PCDHA2: variants seen among roughly 807,000 people sequenced by gnomAD.
PCDHA2 encodes protocadherin alpha 2, also known as protocadherin alpha-2.
Under a neutral mutation model 66.0 loss-of-function variants are expected in PCDHA2, and 58 were observed. The observed-to-expected ratio is 0.88, with a 90% CI of 0.71 to 1.09. PCDHA2 has a LOEUF of 1.09. Ranked by LOEUF, PCDHA2 falls within the 50% of genes least tolerant of loss-of-function variation. The probability of loss-of-function intolerance (pLI) is 0.00; values close to 1 mark genes in which losing one functional copy is unlikely to be tolerated. For missense variants in PCDHA2, 1,267 were observed against 1,242.3 expected (o/e 1.02, Z -0.30); for synonymous variants, 634 against 554.0 (o/e 1.14, Z -2.03).
At chr5:140,801,282 G>T (rs782159759) in intron 1 of PCDHA2, 6 of 1,613,380 alleles carry the variant, frequency 3.7e-6, no homozygotes, top group African/African-American at 1.3e-5. Context: ...GGTGGGGAGC[G>T]GCCAGCTCCA....
intron 1 of PCDHA2, among the ~76,000 whole-genome samples, chr5:140,939,663 C>T (rs1282923741): frequency 6.6e-6 from 1 of 152,116 alleles, no homozygotes; most frequent in Non-Finnish European, 1.5e-5. Context: ...ACAGGAATAA[C>T]CAACTTGTAT....
In PCDHA2 at chr5:140,982,550, C is replaced by T. The variant is rs1554244485; in HGVS notation, c.2523C>T (p.Ser841=). ...CTGATCAGCAGTGGCCAACAGTATC[C>T]AGTGCAACACCAGGTAAAGAGCTGG... The part of the protein sequence containing the change: ...GGPDQQWPTV[S]SATPEPEAGE... The change falls in exon 3 of 4, where the codon TCC becomes TCT. Residue 841 remains serine, a synonymous_variant. Transcript: ENST00000526136. The T allele has an allele frequency of 6.2e-7, 1 of 1,614,176 alleles. No homozygotes were observed. The highest frequency in any genetic ancestry group is 1.7e-5 in the Admixed American group (1 of 60,028).
chr5:140,850,783 G>T, intron 1 of PCDHA2: 1 of 1,598,172 alleles, frequency 6.3e-7, no homozygotes, highest in Non-Finnish European at 8.6e-7. Context: ...TCTGGCGAGG[G>T]TAAGCAGAAG....
At chr5:140,816,237 T>A (rs1181051866) in intron 1 of PCDHA2, 1 of 152,238 alleles carries the variant, frequency 6.6e-6, no homozygotes. Flanking sequence ...TAATTTCAAA[T>A]GATGTGTCCT....
At chr5:140,914,097 A>G (rs191641220) in intron 1 of PCDHA2, among the ~76,000 whole-genome samples, 38 of 152,298 alleles carry the variant, frequency 2.5e-4, no homozygotes, top group Admixed American at 9.2e-4. Flanking sequence ...AATTTGTTCT[A>G]TAGTGCAGAT....
rs782681619 is a variant in PCDHA2, at chr5:141,009,600, A to G, written c.2537-27A>G. On this transcript the variant is annotated intron_variant, in intron 3 of 3. Coordinates refer to ENST00000526136, the MANE Select transcript of PCDHA2 (RefSeq NM_018905.3). ...ATCAAGAGCATGTGTTGACCCTGTT[A>G]ATGATTTGTAATGTTTTGTCTTTCA... The G allele has an allele frequency of 1.9e-6, 3 of 1,607,002 alleles. No individual in the cohort carries two copies. In the Admixed American group the frequency reaches 5.0e-5, roughly 27 times the overall value.
intron 1 of PCDHA2, chr5:140,929,567 A>G (rs566554100): frequency 7.2e-5 from 33 of 456,594 alleles, no homozygotes; most frequent in Admixed American, 1.2e-4. Flanking sequence ...ATTTAAGAAC[A>G]ATAAAAGTAA....
At chr5:140,871,774 T>C (rs1164981873) in intron 1 of PCDHA2, among the ~76,000 whole-genome samples, 1 of 152,254 alleles carries the variant, frequency 6.6e-6, no homozygotes, top group African/African-American at 2.4e-5. Context: ...GACTCTTCTG[T>C]AGTCACTTGA....
chr5:140,974,116 G>T (rs2096616118), intron 1 of PCDHA2, among the ~76,000 whole-genome samples: 1 of 152,192 alleles, frequency 6.6e-6, no homozygotes. Context: ...TTCTTTTGCA[G>T]TGTTTTAAAT....
At chr5:140,836,198 G>A in intron 1 of PCDHA2, 2 of 1,613,862 alleles carry the variant, frequency 1.2e-6, no homozygotes, top group Non-Finnish European at 1.7e-6. Context: ...GCTACAACGC[G>A]TGGCTTTCGT....
At chr5:140,838,112 G>C (rs950197929) in intron 1 of PCDHA2, among the ~76,000 whole-genome samples, 3 of 149,312 alleles carry the variant, frequency 2.0e-5, no homozygotes, top group Non-Finnish European at 4.5e-5. Context: ...GTGTGTGTGT[G>C]TGTGTGTGTG....
At chr5:140,879,137 G>A (rs1313863348) in intron 1 of PCDHA2, among the ~76,000 whole-genome samples, 2 of 152,210 alleles carry the variant, frequency 1.3e-5, no homozygotes, top group Non-Finnish European at 2.9e-5. Context: ...GGGAGATTGT[G>A]AAGGCAGGAA....
In PCDHA2 at chr5:140,801,127, A is replaced by C. The variant is rs1285263888; in HGVS notation, c.2388+3775A>C. ...ACACCGAGGAGTTTAAGAAATGAAG[A>C]TAAGGAACTCGAATTATTTTTAAAC... On this transcript the variant is annotated intron_variant, in intron 1 of 3. Coordinates refer to ENST00000526136, the MANE Select transcript of PCDHA2 (RefSeq NM_018905.3). 2.6e-6 allele frequency: 4 copies of C among 1,520,548 alleles called. No individual in the cohort carries two copies. In the East Asian group the frequency reaches 9.1e-5, roughly 34 times the overall value. The allele number at this position is 1,520,548 out of a possible 1,614,324, so 94.2% of individuals were successfully genotyped here.
chr5:140,873,262 G>A (rs1196053156), intron 1 of PCDHA2, among the ~76,000 whole-genome samples: 2 of 152,136 alleles, frequency 1.3e-5, no homozygotes, highest in Non-Finnish European at 2.9e-5. Context: ...ACTCAAAAGT[G>A]ATTAAACCAT....
chr5:140,873,893 T>G (rs1308011914), intron 1 of PCDHA2, among the ~76,000 whole-genome samples: 2 of 152,166 alleles, frequency 1.3e-5, no homozygotes, highest in Non-Finnish European at 2.9e-5. Context: ...ACTCCTGACC[T>G]CAGGTGATCT....
intron 1 of PCDHA2, chr5:140,967,197 AC>A: frequency 6.2e-7 from 1 of 1,613,542 alleles, no homozygotes; most frequent in Non-Finnish European, 8.5e-7. Context: ...ATCAACGACA[AC>A]TCACCGCGTT....
At chr5:140,877,225 G>A in intron 1 of PCDHA2, 1 of 1,613,746 alleles carries the variant, frequency 6.2e-7, no homozygotes. Context: ...ACCGCGGTCG[G>A]TGGGTGCGGG....
intron 1 of PCDHA2, chr5:140,822,618 T>C (rs1767368457): frequency 6.2e-7 from 1 of 1,611,484 alleles, no homozygotes; most frequent in South Asian, 1.1e-5. Flanking sequence ...ATTTCTTTAG[T>C]AATCTTGTTC....
intron 1 of PCDHA2, chr5:140,801,353 G>A: frequency 6.2e-7 from 1 of 1,613,426 alleles, no homozygotes; most frequent in Non-Finnish European, 8.5e-7. Flanking sequence ...CGCAGGACCT[G>A]GGGCTGGAGC....
Sources: allele counts gnomAD v4.1 joint callset (sites outside exome capture counted in the v4.1 genomes callset), GRCh38; gene constraint gnomAD v4.1.1; transcripts MANE v1.5; gene names NCBI Gene and HGNC (gene_info 2026-07-23, HGNC 2026-07-21).